The following TG variants were observed in gnomAD, a reference collection of about 807,000 sequenced individuals.
TG encodes the protein thyroglobulin.
Under a neutral mutation model 324.7 loss-of-function variants are expected in TG, and 270 were observed. The observed-to-expected ratio is 0.83, with a 90% CI of 0.75 to 0.92. TG has a LOEUF of 0.92. Ranked by LOEUF, TG falls within the 40% of genes least tolerant of loss-of-function variation. TG has a pLI of 0.00. For missense variants in TG, 3,591 were observed against 3,456.4 expected (o/e 1.04, Z -0.98); for synonymous variants, 1,401 against 1,327.0 (o/e 1.06, Z -1.21).
Position 133,013,721 on chromosome 8 carries a change from A to G in TG, c.6519A>G (p.Arg2173=). ...CTHSLQGQNC[R]LLLREEATHI... ...ATAGTCTGCAGGGTCAGAACTGCCGACTTCTGCTTCGTGAAGAGGCCACCC... is the reference window on the plus strand; with the variant it reads ...ATAGTCTGCAGGGTCAGAACTGCCGGCTTCTGCTTCGTGAAGAGGCCACCC... The change falls in exon 37 of 48, where the codon CGA becomes CGG. Residue 2173 remains arginine, a synonymous_variant. Coordinates refer to ENST00000220616, the MANE Select transcript of TG (RefSeq NM_003235.5). 1.2e-6 allele frequency: 2 copies of G among 1,613,526 alleles called. No individual in the cohort carries two copies. Among genetic ancestry groups the G allele is most frequent in the Non-Finnish European group, 1.7e-6 (2 of 1,180,020 alleles).
At chr8:133,025,939 C>A (rs751143738) in intron 40 of TG, among the ~76,000 whole-genome samples, 2 of 152,220 alleles carry the variant, frequency 1.3e-5, no homozygotes, top group South Asian at 4.1e-4. Context: ...GTGCAGGCTG[C>A]CTGTCTGCAA....
intron 29 of TG, among the ~76,000 whole-genome samples, 163 bp from the exon 30 acceptor site, chr8:132,966,397 C>A (rs1446839778): frequency 1.3e-5 from 2 of 152,130 alleles, no homozygotes; most frequent in East Asian, 3.8e-4. Context: ...TTCAATCCTG[C>A]TCTGGTTTCA....
chr8:132,871,575 C>A (rs1473574625), intron 4 of TG, 24 bp downstream of exon 4: 7 of 1,607,266 alleles, frequency 4.4e-6, no homozygotes, highest in Non-Finnish European at 6.0e-6. Flanking sequence ...AGCGCCTGCA[C>A]CCCTAGAGCT....
intron 18 of TG, among the ~76,000 whole-genome samples, chr8:132,910,794 C>T (rs1194460492): frequency 1.3e-5 from 2 of 152,212 alleles, no homozygotes; most frequent in Non-Finnish European, 2.9e-5. Flanking sequence ...CTAAGACACC[C>T]TTTGAAAGGG....
chr8:132,886,878 G>T lies in TG; in HGVS notation c.1506G>T (p.Gln502His). The T allele has an allele frequency of 6.2e-7, 1 of 1,614,130 alleles. No homozygotes were observed. The highest frequency in any genetic ancestry group is 8.5e-7 in the Non-Finnish European group (1 of 1,180,032). Residue 502 changes from glutamine to histidine, a missense_variant, in exon 9 of 48, where the codon CAG becomes CAT. Coordinates refer to ENST00000220616, the MANE Select transcript of TG (RefSeq NM_003235.5). ...RGTFNFSQFF[Q>H]QLGLASFLNG... Reference sequence around the variant, plus strand: ...CATTTAACTTCAGTCAATTTTTCCAGCAACTTGGTCTTGCAAGCTTCTTGA... The same window carrying T: ...CATTTAACTTCAGTCAATTTTTCCATCAACTTGGTCTTGCAAGCTTCTTGA...
At chr8:133,007,939 T>C in intron 35 of TG, among the ~76,000 whole-genome samples, 1 of 152,100 alleles carries the variant, frequency 6.6e-6, no homozygotes, top group East Asian at 1.9e-4. Flanking sequence ...TTGAACCAGT[T>C]TTGTCTCACC....
chr8:133,067,842 CAGAG>C (rs1209031571), intron 41 of TG, among the ~76,000 whole-genome samples: 4 of 126,876 alleles, frequency 3.2e-5, no homozygotes, highest in Admixed American at 8.5e-5. Flanking sequence ...GAGAGAGAGA[CAGAG>C]AGAGAGAGAA....
At chr8:133,119,473 G>A (rs989848548) in intron 45 of TG, among the ~76,000 whole-genome samples, 5 of 152,194 alleles carry the variant, frequency 3.3e-5, no homozygotes, top group Non-Finnish European at 7.3e-5. Flanking sequence ...ATCAAGGCAT[G>A]GGAAGATTTG....
chr8:133,001,930 G>A, intron 35 of TG: 2 of 985,432 alleles, frequency 2.0e-6, no homozygotes, highest in Non-Finnish European at 2.4e-6. Flanking sequence ...TGAGTGCTGA[G>A]CAGCTGAAAG....
intron 43 of TG, among the ~76,000 whole-genome samples, chr8:133,098,940 A>G (rs1167527053): frequency 6.6e-6 from 1 of 152,202 alleles, no homozygotes; most frequent in Non-Finnish European, 1.5e-5. Flanking sequence ...TTTGTCCTGA[A>G]TTCCTTAACC....
intron 16 of TG, among the ~76,000 whole-genome samples, chr8:132,903,839 A>G (rs1818284472): frequency 6.6e-6 from 1 of 152,232 alleles, no homozygotes; most frequent in African/African-American, 2.4e-5. Context: ...CAGTGTCTCA[A>G]TCTGTGAAAT....
Position 132,961,053 on chromosome 8 carries a change from A to G in TG, c.5447A>G (p.Gln1816Arg), listed in dbSNP as rs761047115. The change falls in exon 28 of 48, where the codon CAG becomes CGG. Residue 1816 changes from glutamine (Q) to arginine (R), a missense_variant. By Grantham distance (43) the Gln-to-Arg change is conservative. Transcript: ENST00000220616. ...EGTQDTFTNF[Q>R]QVYLWKDSDM... ...ACTCAAGACACCTTTACCAATTTTCAGCAGGTTTATCTCTGGAAAGGTGAG... is the reference window on the plus strand; with the variant it reads ...ACTCAAGACACCTTTACCAATTTTCGGCAGGTTTATCTCTGGAAAGGTGAG... 31 of 1,613,938 alleles carry G rather than the reference A, an allele frequency of 1.9e-5. No homozygotes were observed. In the East Asian group the frequency reaches 6.9e-4, roughly 36 times the overall value.
chr8:133,051,979 C>T (rs1394369198), intron 41 of TG, among the ~76,000 whole-genome samples: 7 of 152,312 alleles, frequency 4.6e-5, no homozygotes, highest in East Asian at 1.9e-4. Context: ...GCTGCTTTCA[C>T]GGAGCTCATG....
At chr8:133,017,553 T>G in intron 37 of TG, 1 of 581,888 alleles carries the variant, frequency 1.7e-6, no homozygotes, top group East Asian at 3.1e-5. Context: ...TTCTGTGCAT[T>G]TTGGTGCCTA....
intron 41 of TG, among the ~76,000 whole-genome samples, chr8:133,067,482 C>T (rs190655413): frequency 5.9e-5 from 9 of 152,228 alleles, no homozygotes; most frequent in South Asian, 2.1e-4. Context: ...TGGGGAAGAA[C>T]GTGGGATCCT....
At chr8:132,917,370 G>A (rs1178004015) in intron 20 of TG, among the ~76,000 whole-genome samples, 1 of 142,648 alleles carries the variant, frequency 7.0e-6, no homozygotes, top group South Asian at 2.4e-4. Flanking sequence ...AGAAGGTAGT[G>A]CATGTTTGTG....
Position 133,017,885 on chromosome 8 carries a change from C to T in TG, c.6670C>T (p.Gln2224Ter). Residue 2224 changes from glutamine to a stop codon, truncating the protein, a stop_gained, in exon 38 of 48, where the codon CAA (glutamine) becomes TAA (stop). Coordinates refer to ENST00000220616, the MANE Select transcript of TG (RefSeq NM_003235.5). LOFTEE classifies it high-confidence loss of function. ...CATCCAGGTGGGTACCTCATGGAAG[C>T]AAGTGGACCAGTTCCTTGGAGTTCC... ...QAIQVGTSWK[Q>*]VDQFLGVPYA... 1 of 1,614,204 alleles carries T rather than the reference C, an allele frequency of 6.2e-7. No individual in the cohort carries two copies.
At position 132,903,353 on chromosome 8, in the gene TG, T is replaced by A. The variant is rs1818199559; in HGVS notation, c.3634+1800T>A. Among the ~76,000 whole-genome samples the A allele has an allele frequency of 2.6e-5, 4 of 152,180 alleles. No individual in the cohort carries two copies. In the South Asian group the frequency reaches 8.3e-4, roughly 32 times the overall value. On this transcript the variant is annotated intron_variant, in intron 16 of 47. Coordinates refer to ENST00000220616, the MANE Select transcript of TG (RefSeq NM_003235.5). Reference sequence around the variant, plus strand: ...GGCCTTTGGGATTGGGCTGGAAGTCTAGGAAGATTCCTAATTCTTGCCGGG... The same window carrying A: ...GGCCTTTGGGATTGGGCTGGAAGTCAAGGAAGATTCCTAATTCTTGCCGGG...
chr8:132,956,806 T>A (rs1826947507), intron 27 of TG, among the ~76,000 whole-genome samples: 1 of 152,004 alleles, frequency 6.6e-6, no homozygotes, highest in Non-Finnish European at 1.5e-5. Context: ...GGTCAAAGCC[T>A]GGGTGGGGAT....
Sources: gnomAD v4.1 joint callset for allele counts (sites outside exome capture counted in the v4.1 genomes callset) on GRCh38, gnomAD v4.1.1 for gene constraint, MANE v1.5 for transcripts, NCBI Gene and HGNC (gene_info 2026-07-23, HGNC 2026-07-21) for gene names.